The following GNAQ variants were observed in gnomAD, a reference collection of about 807,000 sequenced individuals.
GNAQ encodes guanine nucleotide-binding protein G(q) subunit alpha.
In GNAQ, 8 loss-of-function variants were observed where a neutral mutation model predicts 43.9. The ratio of observed to expected loss-of-function variants is 0.18; its 90% CI spans 0.11 to 0.33. The LOEUF (loss-of-function observed/expected upper bound fraction) is 0.33. Among genes scored for constraint, GNAQ ranks in the 10% least tolerant of loss-of-function variants. GNAQ has a pLI of 1.00. For synonymous variants in GNAQ, 155 were observed against 170.7 expected (o/e 0.91, Z 0.71); for missense variants, 158 against 450.8 (o/e 0.35, Z 5.88).
intron 1 of GNAQ, among the ~76,000 whole-genome samples, chr9:77,956,423 G>C (rs1169672762): frequency 6.6e-6 from 1 of 152,122 alleles, no homozygotes; most frequent in East Asian, 1.9e-4. Context: ...CATGTCCTTG[G>C]AATGCAGGAA....
In GNAQ at chr9:77,933,173, T is replaced by G. The variant is rs555325706; in HGVS notation, c.137-10828A>C. 1.3e-3 allele frequency among the ~76,000 whole-genome samples: 191 copies of G among 152,334 alleles called. 2 individuals are homozygous for G. Among genetic ancestry groups the G allele is most frequent in the African/African-American group, 4.4e-3 (181 of 41,580 alleles). ...CAGAGGATGCGATTTGTGTCCTACA[T>G]TCTCTGGGCCTCAAAGGCAAGGACA... On this transcript the variant is annotated intron_variant, in intron 1 of 6. Coordinates refer to ENST00000286548, the MANE Select transcript of GNAQ (RefSeq NM_002072.5).
intron 1 of GNAQ, among the ~76,000 whole-genome samples, chr9:78,021,305 C>T (rs1482430255): frequency 3.3e-5 from 5 of 151,986 alleles, no homozygotes; most frequent in Admixed American, 6.6e-5. Context: ...GGATTACACG[C>T]GTGAACCACC....
At chr9:77,726,274 C>A (rs571684022) in intron 6 of GNAQ, among the ~76,000 whole-genome samples, 17 of 152,270 alleles carry the variant, frequency 1.1e-4, no homozygotes, top group Non-Finnish European at 2.2e-4. Context: ...TTTCAAAGAA[C>A]AGCAAAGCAC....
chr9:77,838,221 G>A (rs927137150), intron 2 of GNAQ, among the ~76,000 whole-genome samples: 1 of 139,484 alleles, frequency 7.2e-6, no homozygotes, highest in African/African-American at 2.8e-5. Flanking sequence ...TTGAGTCACC[G>A]CAACCTCCAC....
At chr9:77,774,673 G>A (rs1277449183) in intron 5 of GNAQ, among the ~76,000 whole-genome samples, 1 of 152,076 alleles carries the variant, frequency 6.6e-6, no homozygotes, top group Non-Finnish European at 1.5e-5. Flanking sequence ...CTGTTGTCCA[G>A]GTTGGACTCC....
chr9:77,851,565 A>C (rs890660617), intron 2 of GNAQ, among the ~76,000 whole-genome samples: 3 of 152,076 alleles, frequency 2.0e-5, no homozygotes, highest in Non-Finnish European at 4.4e-5. Flanking sequence ...AACCATTCTA[A>C]ATGTTTTGCT....
At position 78,003,162 on chromosome 9, in the gene GNAQ, C is replaced by T. The variant is rs1348871807; in HGVS notation, c.136+27938G>A. On this transcript the variant is annotated intron_variant, in intron 1 of 6. Coordinates refer to ENST00000286548, the MANE Select transcript of GNAQ (RefSeq NM_002072.5). Reference sequence around the variant, plus strand: ...CAAAACCAAATTTGTGTCTGTATTACAGGAAATCCATCCAAATATAAAGGA... The same window carrying T: ...CAAAACCAAATTTGTGTCTGTATTATAGGAAATCCATCCAAATATAAAGGA... Among the ~76,000 whole-genome samples the T allele has an allele frequency of 3.3e-5, 5 of 152,174 alleles. No individual in the cohort carries two copies. The East Asian group carries it at 5.8e-4, about 18-fold the overall frequency.
chr9:77,927,008 T>C (rs1829080750), intron 1 of GNAQ, among the ~76,000 whole-genome samples: 1 of 152,086 alleles, frequency 6.6e-6, no homozygotes, highest in African/African-American at 2.4e-5. Context: ...AAACACAAAC[T>C]CAATATACTA....
intron 5 of GNAQ, among the ~76,000 whole-genome samples, chr9:77,790,323 G>A (rs1826547415): frequency 6.6e-6 from 1 of 152,116 alleles, no homozygotes; most frequent in African/African-American, 2.4e-5. Context: ...AATGTTATCT[G>A]AAGAAAATTC....
chr9:77,874,109 A>AAAAAAAC (rs1828089361), intron 2 of GNAQ, among the ~76,000 whole-genome samples: 2 of 148,090 alleles, frequency 1.4e-5, no homozygotes, highest in Non-Finnish European at 2.9e-5. Flanking sequence ...CATCTCAAAA[A>AAAAAAAC]AAAAAAACAA....
At chr9:77,845,246 T>TA (rs1827565121) in intron 2 of GNAQ, among the ~76,000 whole-genome samples, 1 of 152,214 alleles carries the variant, frequency 6.6e-6, no homozygotes, top group African/African-American at 2.4e-5. Flanking sequence ...TAATGTTTAT[T>TA]GTTTGTTTCT....
rs376628711 is a variant in GNAQ at position 77,934,445 on chromosome 9, G to T, written c.137-12100C>A. Among the ~76,000 whole-genome samples, 4 of 151,356 alleles carry T rather than the reference G, an allele frequency of 2.6e-5. No individual in the cohort carries two copies. The South Asian group carries it at 8.3e-4, about 32-fold the overall frequency. On this transcript the variant is annotated intron_variant, in intron 1 of 6. Transcript: ENST00000286548. Reference sequence around the variant, plus strand: ...AAGTTTTTTTTTTGCTTTTACTCACGTGGCTCTTCACTTTGAGCCTCTAAA... The same window carrying T: ...AAGTTTTTTTTTTGCTTTTACTCACTTGGCTCTTCACTTTGAGCCTCTAAA...
chr9:77,799,365 GA>G (rs372995875), intron 3 of GNAQ, among the ~76,000 whole-genome samples: 93 of 152,250 alleles, frequency 6.1e-4, no homozygotes, highest in African/African-American at 2.2e-3. Context: ...TGTTATAATT[GA>G]ACAATAACAA....
chr9:77,990,224 G>C (rs536215651), intron 1 of GNAQ, among the ~76,000 whole-genome samples: 1 of 152,076 alleles, frequency 6.6e-6, no homozygotes, highest in Non-Finnish European at 1.5e-5. Flanking sequence ...TTATTTTATT[G>C]TATTTCTTTC....
chr9:77,877,212 C>T (rs188391832), intron 2 of GNAQ, among the ~76,000 whole-genome samples: 140 of 152,252 alleles, frequency 9.2e-4, no homozygotes, highest in African/African-American at 3.1e-3. Flanking sequence ...CAACTCTCCC[C>T]GAAGAATATT....
chr9:77,907,275 T>C (rs1014424429), intron 2 of GNAQ, among the ~76,000 whole-genome samples: 4 of 152,042 alleles, frequency 2.6e-5, no homozygotes, highest in African/African-American at 4.8e-5. Flanking sequence ...CCCTGGCTCC[T>C]AACAAAGATA....
At chr9:77,852,744 TATCTCATGAG>T in intron 2 of GNAQ, among the ~76,000 whole-genome samples, 1 of 152,346 alleles carries the variant, frequency 6.6e-6, no homozygotes, top group East Asian at 1.9e-4. Context: ...GATCACTCAG[TATCTCATGAG>T]GAAACCTCAC....
At chr9:77,969,220 C>T (rs1030780279) in intron 1 of GNAQ, among the ~76,000 whole-genome samples, 2 of 152,178 alleles carry the variant, frequency 1.3e-5, no homozygotes, top group Non-Finnish European at 2.9e-5. Context: ...GCCTTTCCAC[C>T]TGGCAGGTGG....
rs758650921 is a variant in GNAQ, at chr9:77,720,736, A to G, written c.*587T>C. ...AGTATATTCTATTAAAAAAGAAACT[A>G]TGTGTGTATCCAAAGCAACACATTT... On this transcript the variant is annotated 3_prime_UTR_variant, in exon 7 of 7. Transcript: ENST00000286548. 1.4e-4 allele frequency: 33 copies of G among 233,320 alleles called. No individual in the cohort carries two copies. Among genetic ancestry groups the G allele is most frequent in the East Asian group, 2.4e-4 (4 of 16,542 alleles). 14.5% of individuals were successfully genotyped at this position (233,320 alleles called of 1,614,324 possible). A position where few individuals can be genotyped will look rare whatever the true frequency, so the allele number is the denominator to read the frequency against.
Sources: gnomAD v4.1 joint callset for allele counts (sites outside exome capture counted in the v4.1 genomes callset) on GRCh38, gnomAD v4.1.1 for gene constraint, MANE v1.5 for transcripts, NCBI Gene and HGNC (gene_info 2026-07-23, HGNC 2026-07-21) for gene names.